Variants in TCN2 observed in about 807,000 individuals in gnomAD.
TCN2 encodes transcobalamin-2.
A neutral mutation model predicts 48.6 loss-of-function variants in TCN2; 34 were observed. That is an observed-to-expected ratio of 0.70 (90% CI 0.53 to 0.93). The LOEUF is 0.93. Ranked by LOEUF, TCN2 falls within the 40% of genes least tolerant of loss-of-function variation. The pLI is 0.00. For synonymous variants in TCN2, 283 were observed against 212.5 expected, an observed-to-expected ratio of 1.33 and a Z score of -2.89; for missense variants, 652 against 526.1, an observed-to-expected ratio of 1.24 and a Z score of -2.34.
At position 30,623,063 on chromosome 22, in the gene TCN2, C is replaced by A. The variant is rs1214437394; in HGVS notation, c.1202C>A (p.Pro401His). 1 of 1,613,880 alleles carries A rather than the reference C, an allele frequency of 6.2e-7. No individual in the cohort carries two copies. The highest frequency in any genetic ancestry group is 8.5e-7 in the Non-Finnish European group (1 of 1,179,992). Residue 401 changes from proline to histidine, a missense_variant, in exon 8 of 9, where the codon CCC (proline) becomes CAC (histidine). By Grantham distance (77) the Pro-to-His change is moderately conservative (BLOSUM62 -2). Transcript: ENST00000215838. ...GAGTTCTGGCAGCTTCTCCGAGACCCCAACACCCCACTGTTGCAAGGTGAG... is the reference window on the plus strand; with the variant it reads ...GAGTTCTGGCAGCTTCTCCGAGACCACAACACCCCACTGTTGCAAGGTGAG... ...EREFWQLLRD[P>H]NTPLLQGIAD...
intron 7 of TCN2, among the ~76,000 whole-genome samples, chr22:30,618,197 A>C (rs1354617594): frequency 1.4e-5 from 2 of 144,824 alleles, no homozygotes. Flanking sequence ...CCATCCTCAC[A>C]CCTGAGGCGC....
In TCN2 at chr22:30,626,555, A is replaced by C; in HGVS notation, c.*34A>C. ...CTCCCTCATCCCAGCAGCCTCGCAC[A>C]CTCCCTAGGCTTCTACCCTCCCTCC... is the stretch of plus-strand genomic sequence containing the variant. On this transcript the variant is annotated 3_prime_UTR_variant, in exon 9 of 9. Transcript: ENST00000215838. 1.2e-6 allele frequency: 2 copies of C among 1,610,846 alleles called. No individual in the cohort carries two copies. Among genetic ancestry groups the C allele is most frequent in the Non-Finnish European group, 1.7e-6 (2 of 1,177,982 alleles).
Position 30,614,435 on chromosome 22 carries a change from C to T in TCN2, c.514C>T (p.His172Tyr). 1 of 1,614,194 alleles carries T rather than the reference C, an allele frequency of 6.2e-7. No homozygotes were observed. Among genetic ancestry groups the T allele is most frequent in the Non-Finnish European group, 8.5e-7 (1 of 1,180,046 alleles). ...LALCLHQKRV[H>Y]DSVVDKLLYA... ...CCTGTGTCTCCACCAGAAGCGGGTC[C>T]ATGACAGCGTGGTGGACAAACTTCT... Residue 172 changes from histidine (H) to tyrosine (Y), a missense_variant, in exon 4 of 9, where the codon CAT becomes TAT. Coordinates refer to ENST00000215838, the MANE Select transcript of TCN2 (RefSeq NM_000355.4).
chr22:30,624,055 C>CATACATATGTATACATATAT (rs1569047268), intron 8 of TCN2, among the ~76,000 whole-genome samples: 1 of 17,424 alleles, frequency 5.7e-5, no homozygotes, highest in Admixed American at 7.3e-4. Context: ...CACACACACA[C>CATACATATGTATACATATAT]ACACACATAT....
intron 8 of TCN2, among the ~76,000 whole-genome samples, chr22:30,623,821 C>CATATAT (rs1189547818): frequency 6.2e-4 from 19 of 30,602 alleles, no homozygotes; most frequent in Non-Finnish European, 8.5e-4. Context: ...TATACACACA[C>CATATAT]ATACACACAC....
intron 6 of TCN2, among the ~76,000 whole-genome samples, chr22:30,617,018 C>T (rs909298183): frequency 6.6e-6 from 1 of 152,008 alleles, no homozygotes; most frequent in Non-Finnish European, 1.5e-5. Flanking sequence ...AGGAAGAGCC[C>T]TCTGGAGTGC....
chr22:30,609,215 T>C (rs2087499272), intron 1 of TCN2, among the ~76,000 whole-genome samples: 1 of 151,388 alleles, frequency 6.6e-6, no homozygotes, highest in Non-Finnish European at 1.5e-5. Flanking sequence ...TTGCCCAGGG[T>C]TGGTTTCAAA....
At chr22:30,625,616 C>G (rs766165991) in intron 8 of TCN2, among the ~76,000 whole-genome samples, 1 of 152,072 alleles carries the variant, frequency 6.6e-6, no homozygotes, top group African/African-American at 2.4e-5. Context: ...GCCCATGGCA[C>G]AAAGCCCAGC....
intron 1 of TCN2, among the ~76,000 whole-genome samples, chr22:30,609,098 G>C (rs183561429): frequency 3.6e-4 from 54 of 151,548 alleles, no homozygotes; most frequent in Admixed American, 8.5e-4. Context: ...AAATTGACAG[G>C]GATCGCTGCA....
At chr22:30,617,246 G>A (rs2145547828) in intron 6 of TCN2, 84 bp from the exon 7 acceptor site, 2 of 1,577,982 alleles carry the variant, frequency 1.3e-6, no homozygotes, top group Non-Finnish European at 1.7e-6. Flanking sequence ...CAAAGTCCAG[G>A]TGTCCTTGAG....
At chr22:30,625,525 C>T (rs1379832679) in intron 8 of TCN2, among the ~76,000 whole-genome samples, 1 of 152,038 alleles carries the variant, frequency 6.6e-6, no homozygotes, top group Admixed American at 6.6e-5. Context: ...TGCAGTATCA[C>T]AATCTCAGCT....
rs921002639 is a variant in TCN2 at position 30,610,956 on chromosome 22, G to A, written c.150G>A (p.Leu50=). The change falls in exon 2 of 9, where the codon TTG becomes TTA. Residue 50 remains leucine (L), a synonymous_variant. Coordinates refer to ENST00000215838, the MANE Select transcript of TCN2 (RefSeq NM_000355.4). ...TGGACCGGCTTTCCCTGGAGCACTTGAACCCCAGCATCTATGTGGGCCTAC... is the reference window on the plus strand; with the variant it reads ...TGGACCGGCTTTCCCTGGAGCACTTAAACCCCAGCATCTATGTGGGCCTAC... ...PWMDRLSLEH[L]NPSIYVGLRL... is the part of the protein sequence containing the mutation. The A allele has an allele frequency of 6.2e-7, 1 of 1,614,226 alleles. No individual in the cohort carries two copies. Among genetic ancestry groups the A allele is most frequent in the African/African-American group, 1.3e-5 (1 of 75,054 alleles).
At chr22:30,612,475 G>A (rs145097815) in intron 2 of TCN2, among the ~76,000 whole-genome samples, 3 of 152,176 alleles carry the variant, frequency 2.0e-5, no homozygotes, top group South Asian at 2.1e-4. Context: ...GCTTGAACTC[G>A]GGAGGCGGAG....
Position 30,623,059 on chromosome 22 carries a change from G to A in TCN2, c.1198G>A (p.Asp400Asn), listed in dbSNP as rs527966482. 3 of 1,613,930 alleles carry A rather than the reference G, an allele frequency of 1.9e-6. No individual in the cohort carries two copies. Among genetic ancestry groups the A allele is most frequent in the African/African-American group, 1.3e-5 (1 of 74,930 alleles). ...AAGGGAGTTCTGGCAGCTTCTCCGAGACCCCAACACCCCACTGTTGCAAGG... is the reference window on the plus strand; with the variant it reads ...AAGGGAGTTCTGGCAGCTTCTCCGAAACCCCAACACCCCACTGTTGCAAGG... ...GEREFWQLLR[D>N]PNTPLLQGIA... is the part of the protein sequence containing the mutation. Residue 400 changes from aspartate to asparagine, a missense_variant, in exon 8 of 9, where the codon GAC becomes AAC. Asp to Asn is a conservative substitution (Grantham distance 23, BLOSUM62 1). Coordinates refer to ENST00000215838, the MANE Select transcript of TCN2 (RefSeq NM_000355.4).
intron 8 of TCN2, among the ~76,000 whole-genome samples, chr22:30,623,999 T>TAC (rs1569047104): frequency 1.5e-4 from 5 of 34,296 alleles, no homozygotes; most frequent in East Asian, 1.4e-3. Context: ...TATACACACA[T>TAC]ATATATGTAT....
rs2087737748 is a variant in TCN2, at chr22:30,623,749, CATATATATGT to C, written c.1222+675_1222+684del. ...ATATATGTATACATATATATACACACATATATATGTATATATATATACACACATATATATG... is the reference window on the plus strand; with the variant it reads ...ATATATGTATACATATATATACACACATATATATATACACACATATATATG... On this transcript the variant is annotated intron_variant, in intron 8 of 8. Transcript: ENST00000215838. 2.4e-5 allele frequency among the ~76,000 whole-genome samples: 2 copies of C among 84,168 alleles called. 1 individual carries two copies. The highest frequency in any genetic ancestry group is 4.6e-5 in the Non-Finnish European group (2 of 43,368). The allele number at this position is 84,168 out of a possible 152,430, so 55.2% of individuals were successfully genotyped here.
Position 30,623,069 on chromosome 22 carries a change from C to G in TCN2, c.1208C>G (p.Thr403Ser), listed in dbSNP as rs1444459037. Reference sequence around the variant, plus strand: ...TGGCAGCTTCTCCGAGACCCCAACACCCCACTGTTGCAAGGTGAGTCATGG... The same window carrying G: ...TGGCAGCTTCTCCGAGACCCCAACAGCCCACTGTTGCAAGGTGAGTCATGG... The part of the protein sequence containing the change: ...EFWQLLRDPN[T>S]PLLQGIADYR... The change falls in exon 8 of 9, where the codon ACC (threonine) becomes AGC (serine). Residue 403 changes from threonine (T) to serine (S), a missense_variant. By Grantham distance (58) the Thr-to-Ser change is moderately conservative. Coordinates refer to ENST00000215838, the MANE Select transcript of TCN2 (RefSeq NM_000355.4). The G allele has an allele frequency of 6.2e-7, 1 of 1,614,020 alleles. No homozygotes were observed. Among genetic ancestry groups the G allele is most frequent in the Admixed American group, 1.7e-5 (1 of 60,002 alleles).
At chr22:30,626,410 G>A (rs756218054) in intron 8 of TCN2, 50 bp from the exon 9 acceptor site, 6 of 1,593,200 alleles carry the variant, frequency 3.8e-6, no homozygotes, top group South Asian at 1.1e-5. Flanking sequence ...AGGTTGCGGG[G>A]TGCGATATTC....
At chr22:30,609,995 C>T (rs1012686644) in intron 1 of TCN2, among the ~76,000 whole-genome samples, 2 of 152,170 alleles carry the variant, frequency 1.3e-5, no homozygotes, top group African/African-American at 4.8e-5. Flanking sequence ...CCAGCAGCAA[C>T]TGGGAGGCAG....
Sources: allele counts gnomAD v4.1 joint callset (sites outside exome capture counted in the v4.1 genomes callset), GRCh38; gene constraint gnomAD v4.1.1; transcripts MANE v1.5; gene names NCBI Gene and HGNC (gene_info 2026-07-23, HGNC 2026-07-21).